Variants in FAM20B observed in about 807,000 individuals in gnomAD.
FAM20B encodes FAM20B glycosaminoglycan xylosylkinase, also known as glycosaminoglycan xylosylkinase.
Under a neutral mutation model 43.8 loss-of-function variants are expected in FAM20B, and 23 were observed. The observed-to-expected ratio is 0.53, with a 90% CI of 0.38 to 0.74. The LOEUF (loss-of-function observed/expected upper bound fraction) is 0.74. Ranked by LOEUF, FAM20B falls within the 30% of genes least tolerant of loss-of-function variation. FAM20B has a pLI of 0.00. For synonymous variants in FAM20B, 178 were observed against 192.4 expected, an observed-to-expected ratio of 0.93 and a Z score of 0.62; for missense variants, 440 against 510.5, an observed-to-expected ratio of 0.86 and a Z score of 1.33.
At chr1:179,060,656 G>T (rs533005459) in intron 4 of FAM20B, among the ~76,000 whole-genome samples, 1 of 152,262 alleles carries the variant, frequency 6.6e-6, no homozygotes, top group Admixed American at 6.5e-5. Context: ...GTGGAAAATT[G>T]TCTTCCACTA....
chr1:179,030,219 T>C (rs1385570244), intron 1 of FAM20B, among the ~76,000 whole-genome samples: 1 of 151,854 alleles, frequency 6.6e-6, no homozygotes, highest in Non-Finnish European at 1.5e-5. Context: ...CCAGGGACGT[T>C]TTTGTTTGTT....
Position 179,074,577 on chromosome 1 carries a change from A to T in FAM20B, c.*2433A>T, listed in dbSNP as rs1652060323. 6.6e-6 allele frequency: 1 copy of T among 152,200 alleles called. No homozygotes were observed. The highest frequency in any genetic ancestry group is 2.1e-4 in the South Asian group (1 of 4,824). 9.4% of individuals were successfully genotyped at this position (152,200 alleles called of 1,614,324 possible). On this transcript the variant is annotated 3_prime_UTR_variant, in exon 8 of 8. Coordinates refer to ENST00000263733, the MANE Select transcript of FAM20B (RefSeq NM_014864.4). Reference sequence around the variant, plus strand: ...AAGGAAAAAAGCAGGCAGGAAAGAAAATGTCTCATCCTTTCTTGAAAGCAT... The same window carrying T: ...AAGGAAAAAAGCAGGCAGGAAAGAATATGTCTCATCCTTTCTTGAAAGCAT...
chr1:179,040,750 G>A (rs1423320579), intron 1 of FAM20B, among the ~76,000 whole-genome samples: 4 of 150,248 alleles, frequency 2.7e-5, no homozygotes, highest in East Asian at 2.0e-4. Context: ...CTGGCCTGGC[G>A]GGGGCTGACC....
intron 7 of FAM20B, among the ~76,000 whole-genome samples, chr1:179,068,052 C>T (rs1043794582): frequency 2.0e-5 from 3 of 151,936 alleles, no homozygotes; most frequent in African/African-American, 4.8e-5. Context: ...CGTGAGCCAC[C>T]GCGCCCGACC....
chr1:179,027,861 G>GA (rs1364755276), intron 1 of FAM20B, among the ~76,000 whole-genome samples: 4 of 152,060 alleles, frequency 2.6e-5, no homozygotes, highest in African/African-American at 9.7e-5. Context: ...TAAGATTAGA[G>GA]AAAAAACACA....
chr1:179,071,448 A>T (rs943368931), intron 7 of FAM20B, among the ~76,000 whole-genome samples: 1 of 152,184 alleles, frequency 6.6e-6, no homozygotes, highest in African/African-American at 2.4e-5. Flanking sequence ...CTTCATTCCA[A>T]TCCATGTATG....
At chr1:179,025,202 G>C (rs1486170740), upstream of FAM20B, among the ~76,000 whole-genome samples, 4 of 152,226 alleles carry the variant, frequency 2.6e-5, no homozygotes, top group Non-Finnish European at 4.4e-5. Context: ...CTACGGTCGG[G>C]CATTGGCGAC....
intron 1 of FAM20B, among the ~76,000 whole-genome samples, chr1:179,027,533 G>A (rs1489016269): frequency 6.6e-6 from 1 of 152,154 alleles, no homozygotes; most frequent in Admixed American, 6.5e-5. Flanking sequence ...TTGGACTTTG[G>A]CCTCTCGAAC....
chr1:179,051,754 A>G (rs1651017348), intron 3 of FAM20B, among the ~76,000 whole-genome samples: 1 of 152,118 alleles, frequency 6.6e-6, no homozygotes, highest in South Asian at 2.1e-4. Context: ...TCAAACAGTT[A>G]TCCTGCCTCA....
At chr1:179,061,819 A>G (rs979335671) in intron 4 of FAM20B, among the ~76,000 whole-genome samples, 54 of 152,070 alleles carry the variant, frequency 3.6e-4, no homozygotes, top group African/African-American at 1.1e-3. Flanking sequence ...TATTTATATC[A>G]CCATGAACTC....
chr1:179,044,901 A>G (rs1650701074), intron 2 of FAM20B, among the ~76,000 whole-genome samples: 1 of 152,224 alleles, frequency 6.6e-6, no homozygotes, highest in African/African-American at 2.4e-5. Flanking sequence ...TAGCTGTACC[A>G]TTTTGTGTTT....
chr1:179,043,149 T>C (rs1360518608), intron 1 of FAM20B, among the ~76,000 whole-genome samples: 1 of 152,130 alleles, frequency 6.6e-6, no homozygotes, highest in Non-Finnish European at 1.5e-5. Flanking sequence ...CCATCCTCAG[T>C]CCTCCCTTGG....
intron 1 of FAM20B, among the ~76,000 whole-genome samples, chr1:179,031,195 T>TG (rs1649994156): frequency 2.0e-5 from 3 of 152,236 alleles, no homozygotes; most frequent in Admixed American, 2.0e-4. Context: ...ATTTCAACAC[T>TG]ATACAGGAAT....
intron 1 of FAM20B, among the ~76,000 whole-genome samples, chr1:179,029,254 C>T (rs1451644719): frequency 1.3e-5 from 2 of 152,234 alleles, no homozygotes; most frequent in South Asian, 2.1e-4. Flanking sequence ...TTCTTCTACA[C>T]CTACATATAT....
chr1:179,018,174 G>A, the FAM20B span, among the ~76,000 whole-genome samples: 1 of 152,234 alleles, frequency 6.6e-6, no homozygotes, highest in East Asian at 1.9e-4. Flanking sequence ...TGGGTCCTGG[G>A]AGAACACCTC....
chr1:179,040,158 C>T (rs929632958), intron 1 of FAM20B, among the ~76,000 whole-genome samples: 42 of 152,356 alleles, frequency 2.8e-4, no homozygotes, highest in Non-Finnish European at 5.3e-4. Context: ...GGCAACCATC[C>T]GACTCCTCAA....
chr1:179,060,082 T>C (rs190877844), intron 4 of FAM20B, among the ~76,000 whole-genome samples: 30 of 140,974 alleles, frequency 2.1e-4, no homozygotes, highest in African/African-American at 7.7e-4. Context: ...TTATGTCTTT[T>C]TGTATGAAAT....
intron 1 of FAM20B, among the ~76,000 whole-genome samples, chr1:179,040,987 G>A (rs1332890283): frequency 6.9e-6 from 1 of 145,400 alleles, no homozygotes; most frequent in African/African-American, 2.6e-5. Context: ...GGGCCGGCGG[G>A]CAGAGGCGCT....
chr1:179,051,873 C>T (rs1651022376), intron 3 of FAM20B, among the ~76,000 whole-genome samples: 1 of 152,028 alleles, frequency 6.6e-6, no homozygotes, highest in Non-Finnish European at 1.5e-5. Flanking sequence ...GTCTGGAACT[C>T]CTGACTCGAG....
Sources: gnomAD v4.1 joint callset for allele counts (sites outside exome capture counted in the v4.1 genomes callset) on GRCh38, gnomAD v4.1.1 for gene constraint, MANE v1.5 for transcripts, NCBI Gene and HGNC (gene_info 2026-07-23, HGNC 2026-07-21) for gene names.